Variants in METAP1 observed in about 807,000 individuals in gnomAD.
METAP1 encodes the protein methionyl aminopeptidase 1, also known as methionine aminopeptidase 1.
In METAP1, 28 loss-of-function variants were observed where a neutral mutation model predicts 53.8. That is an observed-to-expected ratio of 0.52 (90% CI 0.39 to 0.71). The LOEUF (loss-of-function observed/expected upper bound fraction) is 0.71, where lower values mean the gene tolerates loss of function less well. METAP1 is among the 30% of genes least tolerant of loss of function. The pLI is 0.00. For missense variants in METAP1, 389 were observed against 479.8 expected, an observed-to-expected ratio of 0.81 and a Z score of 1.77; for synonymous variants, 181 against 165.7, an observed-to-expected ratio of 1.09 and a Z score of -0.71.
chr4:99,044,403 G>C (rs1328706549), intron 7 of METAP1, among the ~76,000 whole-genome samples: 1 of 152,132 alleles, frequency 6.6e-6, no homozygotes, highest in African/African-American at 2.4e-5. Flanking sequence ...ATTTTTATTA[G>C]AATTGCTACT....
At chr4:99,043,514 A>G (rs575296642) in intron 7 of METAP1, 127 bp downstream of exon 7, 11 of 930,282 alleles carry the variant, frequency 1.2e-5, no homozygotes, top group African/African-American at 8.4e-5. Context: ...AAAATTCAGT[A>G]TCACTAACTC....
At chr4:99,008,878 TA>T (rs946700137) in intron 1 of METAP1, among the ~76,000 whole-genome samples, 1 of 152,232 alleles carries the variant, frequency 6.6e-6, no homozygotes, top group South Asian at 2.1e-4. Flanking sequence ...TACATATCTT[TA>T]AAAAATTTGT....
At chr4:99,057,732 G>A (rs1255048876) in intron 9 of METAP1, 21 bp from the exon 10 acceptor site, 3 of 1,562,886 alleles carry the variant, frequency 1.9e-6, no homozygotes, top group Non-Finnish European at 2.6e-6. Context: ...TACCTTTTGA[G>A]ATTTTTTTCT....
chr4:99,041,779 G>T (rs1016114851), intron 6 of METAP1, among the ~76,000 whole-genome samples: 12 of 151,618 alleles, frequency 7.9e-5, no homozygotes, highest in Non-Finnish European at 1.5e-5. Flanking sequence ...TGGAAATGAT[G>T]AAACTGGTCC....
chr4:99,009,700 ATT>A (rs2110284779), intron 1 of METAP1, among the ~76,000 whole-genome samples: 1 of 152,250 alleles, frequency 6.6e-6, no homozygotes, highest in Non-Finnish European at 1.5e-5. Flanking sequence ...TCTTTTGCCC[ATT>A]TTAAAAATTG....
At chr4:99,029,760 T>C (rs1268697875) in intron 2 of METAP1, among the ~76,000 whole-genome samples, 2 of 152,182 alleles carry the variant, frequency 1.3e-5, no homozygotes, top group Non-Finnish European at 2.9e-5. Flanking sequence ...GTTAGCTGAT[T>C]TAATGAAGTT....
intron 9 of METAP1, among the ~76,000 whole-genome samples, chr4:99,054,936 A>G (rs1726986535): frequency 6.6e-6 from 1 of 152,186 alleles, no homozygotes; most frequent in African/African-American, 2.4e-5. Flanking sequence ...TTGATCACAG[A>G]TCACTATAAC....
rs1727591540 is a variant in METAP1 at position 99,062,236 on chromosome 4, CTA to C, written c.*920_*921del. 1 of 152,286 alleles carries C rather than the reference CTA, an allele frequency of 6.6e-6. No individual in the cohort carries two copies. Among genetic ancestry groups the C allele is most frequent in the African/African-American group, 2.4e-5 (1 of 41,566 alleles). 9.4% of individuals were successfully genotyped at this position (152,286 alleles called of 1,614,324 possible). On this transcript the variant is annotated 3_prime_UTR_variant, in exon 11 of 11. Transcript: ENST00000296411. ...TATGGTGGAGGATGGGGAAAGAGTT[CTA>C]AAGTGTCTCCAGCTGTGAACCCAGG...
intron 1 of METAP1, chr4:99,023,115 G>T: frequency 1.0e-6 from 1 of 998,288 alleles, no homozygotes; most frequent in Non-Finnish European, 1.4e-6. Context: ...GGCCTTCTCC[G>T]ATTCCTCTGC....
At chr4:99,017,504 A>G (rs762513728) in intron 1 of METAP1, among the ~76,000 whole-genome samples, 2 of 152,256 alleles carry the variant, frequency 1.3e-5, no homozygotes, top group Non-Finnish European at 2.9e-5. Context: ...GTCTTGTTTT[A>G]TAAGGGGTTT....
At chr4:99,048,364 A>G (rs1030816405) in intron 8 of METAP1, among the ~76,000 whole-genome samples, 25 of 150,988 alleles carry the variant, frequency 1.7e-4, no homozygotes, top group Non-Finnish European at 3.1e-4. Flanking sequence ...AAAGATAGTA[A>G]TTACTTTTTT....
At chr4:99,022,901 C>T (rs1579270392) in intron 1 of METAP1, 2 of 1,510,736 alleles carry the variant, frequency 1.3e-6, no homozygotes, top group Non-Finnish European at 1.8e-6. Context: ...AGTCCTCAGC[C>T]TGAAAGAACG....
At chr4:99,026,614 T>G in intron 1 of METAP1, 4 of 985,418 alleles carry the variant, frequency 4.1e-6, no homozygotes, top group Non-Finnish European at 4.8e-6. Flanking sequence ...AGGGAAAGAT[T>G]GCCCTGTTAA....
intron 2 of METAP1, among the ~76,000 whole-genome samples, chr4:99,032,712 A>G (rs1725135861): frequency 6.6e-6 from 1 of 152,100 alleles, no homozygotes; most frequent in South Asian, 2.1e-4. Context: ...CTTGAGGTTC[A>G]TGTTTCAGAC....
intron 2 of METAP1, among the ~76,000 whole-genome samples, chr4:99,029,637 A>G (rs368590146): frequency 2.6e-5 from 4 of 152,140 alleles, no homozygotes; most frequent in Admixed American, 2.0e-4. Context: ...TTTAATTTGA[A>G]GTGGGAAATA....
intron 1 of METAP1, among the ~76,000 whole-genome samples, chr4:99,024,807 TGTTATTGTCTTTGTTTTAA>T (rs1431014103): frequency 1.3e-5 from 2 of 152,216 alleles, no homozygotes; most frequent in Non-Finnish European, 2.9e-5. Context: ...GTGAAAGAGC[TGTTATTGTCTTTGTTTTAA>T]GTGGTTCCTA....
intron 7 of METAP1, 130 bp from the exon 8 acceptor site, chr4:99,045,049 A>G: frequency 5.8e-6 from 5 of 864,552 alleles, no homozygotes; most frequent in Non-Finnish European, 8.8e-6. Flanking sequence ...CTATCTATCC[A>G]TTGGTGTCTA....
chr4:99,054,665 T>G (rs1180767598), intron 9 of METAP1, among the ~76,000 whole-genome samples: 2 of 152,204 alleles, frequency 1.3e-5, no homozygotes, highest in Non-Finnish European at 2.9e-5. Context: ...CTCATTAAGT[T>G]TAATCATTTC....
intron 1 of METAP1, among the ~76,000 whole-genome samples, chr4:99,007,868 C>T (rs1447175362): frequency 6.6e-6 from 1 of 152,186 alleles, no homozygotes; most frequent in Non-Finnish European, 1.5e-5. Flanking sequence ...ACTTTCCCAG[C>T]CCCAGATCTG....
Sources: gnomAD v4.1 joint callset for allele counts (sites outside exome capture counted in the v4.1 genomes callset) on GRCh38, gnomAD v4.1.1 for gene constraint, MANE v1.5 for transcripts, NCBI Gene and HGNC (gene_info 2026-07-23, HGNC 2026-07-21) for gene names.